The following CSNK2A2IP variants were observed in gnomAD, a reference collection of about 807,000 sequenced individuals.
The protein encoded by CSNK2A2IP is casein kinase 2 subunit alpha' interacting protein.
At chr3:88,390,441 A>G in the CSNK2A2IP span, among the ~76,000 whole-genome samples, 4 of 152,322 alleles carry the variant, frequency 2.6e-5, no homozygotes, top group African/African-American at 9.6e-5. Context: ...CATGTATAGG[A>G]AACAAAAGAG....
chr3:88,418,140 G>A, the CSNK2A2IP span, among the ~76,000 whole-genome samples: 20 of 152,122 alleles, frequency 1.3e-4, no homozygotes, highest in East Asian at 3.9e-3. Flanking sequence ...AATAATAAAA[G>A]GTATCTTTAG....
At chr3:88,382,317 T>G in the CSNK2A2IP span, among the ~76,000 whole-genome samples, 1 of 152,174 alleles carries the variant, frequency 6.6e-6, no homozygotes, top group Non-Finnish European at 1.5e-5. Flanking sequence ...CCAATAAATC[T>G]GTGACATGAG....
the CSNK2A2IP span, among the ~76,000 whole-genome samples, chr3:88,382,152 G>A: frequency 1.3e-5 from 2 of 152,202 alleles, no homozygotes; most frequent in Middle Eastern, 6.8e-3. Flanking sequence ...GCCACTACTT[G>A]GTGTAGGATA....
chr3:88,419,304 T>C, the CSNK2A2IP span, among the ~76,000 whole-genome samples: 2 of 152,194 alleles, frequency 1.3e-5, no homozygotes, highest in Non-Finnish European at 2.9e-5. Flanking sequence ...TATTCCCTTT[T>C]TTGTGTCCAT....
At chr3:88,395,129 A>T in the CSNK2A2IP span, among the ~76,000 whole-genome samples, 1 of 152,250 alleles carries the variant, frequency 6.6e-6, no homozygotes, top group Non-Finnish European at 1.5e-5. Flanking sequence ...GCAGACGTAT[A>T]TACACATACA....
At chr3:88,410,171 A>G in the CSNK2A2IP span, among the ~76,000 whole-genome samples, 1 of 152,060 alleles carries the variant, frequency 6.6e-6, no homozygotes, top group Admixed American at 6.6e-5. Context: ...ACTGAGCTCA[A>G]AAAGAAGGCT....
At chr3:88,369,402 G>A in the CSNK2A2IP span, among the ~76,000 whole-genome samples, 1 of 151,878 alleles carries the variant, frequency 6.6e-6, no homozygotes, top group East Asian at 1.9e-4. Context: ...ATTAAAAACA[G>A]TAATTTGAAG....
the CSNK2A2IP span, among the ~76,000 whole-genome samples, chr3:88,383,440 A>C: frequency 6.6e-6 from 1 of 152,134 alleles, no homozygotes; most frequent in Admixed American, 6.5e-5. Flanking sequence ...TAAAGGTAAA[A>C]TACATAAAAT....
the CSNK2A2IP span, among the ~76,000 whole-genome samples, chr3:88,339,244 T>C: frequency 2.0e-5 from 3 of 150,250 alleles, no homozygotes; most frequent in African/African-American, 4.8e-5. Flanking sequence ...GTAACCATCA[T>C]TCCACTCCAT....
chr3:88,435,241 C>G, the CSNK2A2IP span, among the ~76,000 whole-genome samples: 3 of 152,116 alleles, frequency 2.0e-5, no homozygotes, highest in Non-Finnish European at 4.4e-5. Context: ...CTATTTTGTC[C>G]TCCACTCCCT....
chr3:88,465,949 A>T, the CSNK2A2IP span: 1 of 1,231,640 alleles, frequency 8.1e-7, no homozygotes, highest in African/African-American at 1.6e-5. Context: ...CATAAACATC[A>T]TTTGGACATC....
At chr3:88,451,424 G>GC in the CSNK2A2IP span, among the ~76,000 whole-genome samples, 1 of 69,434 alleles carries the variant, frequency 1.4e-5, no homozygotes, top group Non-Finnish European at 3.8e-5. Flanking sequence ...TTTAAAATCA[G>GC]GGTTTTTTTT....
chr3:88,366,671 G>T, the CSNK2A2IP span, among the ~76,000 whole-genome samples: 3 of 152,062 alleles, frequency 2.0e-5, no homozygotes, highest in South Asian at 6.2e-4. Flanking sequence ...TTATATTGAA[G>T]GAGGGGGAAG....
At chr3:88,448,105 C>A in the CSNK2A2IP span, among the ~76,000 whole-genome samples, 1 of 152,088 alleles carries the variant, frequency 6.6e-6, no homozygotes, top group East Asian at 1.9e-4. Flanking sequence ...TGGTGGAGGG[C>A]ATTTATTGGA....
the CSNK2A2IP span, among the ~76,000 whole-genome samples, chr3:88,380,613 G>A: frequency 6.6e-6 from 1 of 151,884 alleles, no homozygotes; most frequent in Non-Finnish European, 1.5e-5. Context: ...TTTCTAGATA[G>A]CACTATTTAG....
At chr3:88,345,640 C>T in the CSNK2A2IP span, among the ~76,000 whole-genome samples, 1 of 151,908 alleles carries the variant, frequency 6.6e-6, no homozygotes, top group East Asian at 1.9e-4. Flanking sequence ...TTGGGGATGC[C>T]ACAAACTGCA....
At chr3:88,341,117 G>A in the CSNK2A2IP span, among the ~76,000 whole-genome samples, 1 of 151,704 alleles carries the variant, frequency 6.6e-6, no homozygotes, top group Non-Finnish European at 1.5e-5. Flanking sequence ...ATATGAAAAT[G>A]TTACAAAATA....
At chr3:88,352,129 T>G in the CSNK2A2IP span, among the ~76,000 whole-genome samples, 1 of 152,194 alleles carries the variant, frequency 6.6e-6, no homozygotes. Flanking sequence ...TTTTACTGTT[T>G]TAGTCATGTA....
the CSNK2A2IP span, chr3:88,382,730 C>A: frequency 6.6e-6 from 1 of 152,116 alleles, no homozygotes. Context: ...CTTATCAATG[C>A]CCCTAGGAGA....
Sources: gnomAD v4.1 joint callset for allele counts (sites outside exome capture counted in the v4.1 genomes callset) on GRCh38, gnomAD v4.1.1 for gene constraint, MANE v1.5 for transcripts, NCBI Gene and HGNC (gene_info 2026-07-23, HGNC 2026-07-21) for gene names.